The following LAMP3 variants were observed in gnomAD, a reference collection of about 807,000 sequenced individuals.
The protein encoded by LAMP3 is lysosome associated membrane protein 3.
A neutral mutation model predicts 34.8 loss-of-function variants in LAMP3; 26 were observed. The observed-to-expected ratio is 0.75, with a 90% CI of 0.55 to 1.04. LAMP3 has a LOEUF of 1.04. Among genes scored for constraint, LAMP3 ranks in the 50% least tolerant of loss-of-function variants. The probability of loss-of-function intolerance (pLI) is 0.00; values close to 1 mark genes in which losing one functional copy is unlikely to be tolerated. For missense variants in LAMP3, 495 were observed against 524.0 expected (o/e 0.94, Z 0.54); for synonymous variants, 180 against 201.9 (o/e 0.89, Z 0.92).
At chr3:183,144,901 T>G (rs1720395245) in intron 3 of LAMP3, among the ~76,000 whole-genome samples, 1 of 151,982 alleles carries the variant, frequency 6.6e-6, no homozygotes, top group Non-Finnish European at 1.5e-5. Context: ...GGAGGCCCTT[T>G]CTCAAAAAAC....
At position 183,154,304 on chromosome 3, in the gene LAMP3, T is replaced by C. The variant is rs1720761274; in HGVS notation, c.137A>G (p.Gln46Arg). The change falls in exon 2 of 6, where the codon CAG becomes CGG. Residue 46 changes from glutamine (Q) to arginine (R), a missense_variant. Transcript: ENST00000265598. The part of the protein sequence containing the change: ...YSQPTAAATV[Q>R]DIKKPVQQPA... ...TTGCTGGACAGGTTTTTTTATGTCC[T>C]GTACTGTTGCTGCTGCAGTAGGTTG... 1.9e-6 allele frequency: 3 copies of C among 1,614,190 alleles called. No homozygotes were observed. Among genetic ancestry groups the C allele is most frequent in the Non-Finnish European group, 2.5e-6 (3 of 1,180,032 alleles).
chr3:183,131,700 G>C (rs1047975761), intron 5 of LAMP3, among the ~76,000 whole-genome samples: 57 of 152,098 alleles, frequency 3.7e-4, no homozygotes, highest in African/African-American at 1.4e-3. Context: ...TAGTTTTAGA[G>C]TTGTTGCCAA....
At chr3:183,144,055 G>A (rs560454871) in intron 3 of LAMP3, among the ~76,000 whole-genome samples, 101 of 152,256 alleles carry the variant, frequency 6.6e-4, no homozygotes, top group African/African-American at 2.1e-3. Flanking sequence ...AAAACACACC[G>A]TGGAAGTTTC....
intron 5 of LAMP3, chr3:183,132,869 G>T (rs1471331274): frequency 1.0e-6 from 1 of 985,328 alleles, no homozygotes; most frequent in Non-Finnish European, 1.2e-6. Flanking sequence ...CAGACATGCG[G>T]TTAGCAAAAT....
intron 5 of LAMP3, among the ~76,000 whole-genome samples, chr3:183,133,436 C>T (rs1719987021): frequency 6.6e-6 from 1 of 152,216 alleles, no homozygotes; most frequent in South Asian, 2.1e-4. Flanking sequence ...CTCACTGCAA[C>T]CTCCGCCTCC....
intron 5 of LAMP3, among the ~76,000 whole-genome samples, chr3:183,128,540 T>C (rs1408030741): frequency 2.0e-5 from 3 of 152,174 alleles, no homozygotes; most frequent in African/African-American, 7.2e-5. Flanking sequence ...ATAAATAATG[T>C]TGTAATGAAT....
intron 3 of LAMP3, among the ~76,000 whole-genome samples, chr3:183,147,885 T>C (rs1253432230): frequency 6.6e-6 from 1 of 152,102 alleles, no homozygotes; most frequent in Non-Finnish European, 1.5e-5. Context: ...GCTAGCTAAT[T>C]TTTAAATTTT....
At chr3:183,135,926 T>A (rs1165173962) in intron 4 of LAMP3, 39 bp from the exon 5 acceptor site, 1 of 1,524,444 alleles carries the variant, frequency 6.6e-7, no homozygotes, top group Non-Finnish European at 9.1e-7. Flanking sequence ...AGTCCTGAGA[T>A]GTAACCGCTG....
chr3:183,147,913 T>C (rs1443787847), intron 3 of LAMP3, among the ~76,000 whole-genome samples: 1 of 152,158 alleles, frequency 6.6e-6, no homozygotes, highest in Non-Finnish European at 1.5e-5. Context: ...GATAGGGTCT[T>C]GCTATGTTGC....
chr3:183,132,001 C>T, intron 5 of LAMP3: 1 of 985,368 alleles, frequency 1.0e-6, no homozygotes, highest in Non-Finnish European at 1.2e-6. Flanking sequence ...TTCCTGCTTG[C>T]CATTCCATAT....
Position 183,135,783 on chromosome 3 carries a change from G to T in LAMP3, c.1051C>A (p.Leu351Met). 1 of 1,614,226 alleles carries T rather than the reference G, an allele frequency of 6.2e-7. No homozygotes were observed. Among genetic ancestry groups the T allele is most frequent in the Non-Finnish European group, 8.5e-7 (1 of 1,180,012 alleles). ...SEQSLQLSAH[L>M]QVKTTDVQLQ... ...TGGACATCGGTTGTTTTCACCTGCAGGTGGGCTGACAACTGGAGGCTCTGT... is the reference window on the plus strand; with the variant it reads ...TGGACATCGGTTGTTTTCACCTGCATGTGGGCTGACAACTGGAGGCTCTGT... The change falls in exon 5 of 6, where the codon CTG (leucine) becomes ATG (methionine). Residue 351 changes from leucine (L) to methionine (M), a missense_variant. By Grantham distance (15) the Leu-to-Met change is conservative. Coordinates refer to ENST00000265598, the MANE Select transcript of LAMP3 (RefSeq NM_014398.4).
chr3:183,149,070 G>A (rs963806682), intron 3 of LAMP3, among the ~76,000 whole-genome samples: 2 of 152,188 alleles, frequency 1.3e-5, no homozygotes, highest in African/African-American at 2.4e-5. Flanking sequence ...GTCATCATGT[G>A]AAGTGAAATA....
At chr3:183,124,267 A>T in intron 5 of LAMP3, 53 bp from the exon 6 acceptor site, 1 of 1,458,688 alleles carries the variant, frequency 6.9e-7, no homozygotes, top group Non-Finnish European at 9.1e-7. Context: ...GATGCAGTCC[A>T]GAAAGCAGGC....
chr3:183,142,417 C>A (rs981055432), intron 3 of LAMP3, among the ~76,000 whole-genome samples: 11 of 152,118 alleles, frequency 7.2e-5, no homozygotes, highest in Non-Finnish European at 1.3e-4. Flanking sequence ...GTCTCCCTGA[C>A]CTGTCCCTCC....
At chr3:183,130,885 T>G (rs951199578) in intron 5 of LAMP3, among the ~76,000 whole-genome samples, 1 of 152,044 alleles carries the variant, frequency 6.6e-6, no homozygotes, top group Non-Finnish European at 1.5e-5. Context: ...GTTCACAGAA[T>G]TTTTTTCCCT....
At position 183,138,847 on chromosome 3, in the gene LAMP3, C is replaced by T. The variant is rs141071936; in HGVS notation, c.946+1691G>A. Among the ~76,000 whole-genome samples, 97 of 152,250 alleles carry T rather than the reference C, an allele frequency of 6.4e-4. No homozygotes were observed. The Middle Eastern group carries it at 0.017, about 27-fold the overall frequency. On this transcript the variant is annotated intron_variant, in intron 4 of 5. Transcript: ENST00000265598. The stretch of plus-strand genomic sequence containing the variant: ...CCTCACCTGCTGCTTATTCTCTCTC[C>T]GGGCACACTGGCACTCTGCAGGTCC...
At chr3:183,149,311 G>C (rs140288658) in intron 3 of LAMP3, among the ~76,000 whole-genome samples, 1 of 151,754 alleles carries the variant, frequency 6.6e-6, no homozygotes, top group African/African-American at 2.4e-5. Flanking sequence ...GGAGGCTCAG[G>C]GGGGCGGATC....
At chr3:183,137,125 C>T (rs529582233) in intron 4 of LAMP3, among the ~76,000 whole-genome samples, 22 of 151,990 alleles carry the variant, frequency 1.4e-4, no homozygotes, top group Non-Finnish European at 3.2e-4. Context: ...TGAGACCAGC[C>T]TGGCCAATGT....
At chr3:183,161,681 G>A (rs1356684387) in intron 1 of LAMP3, among the ~76,000 whole-genome samples, 8 of 152,106 alleles carry the variant, frequency 5.3e-5, no homozygotes, top group African/African-American at 1.9e-4. Context: ...GAGCCACCAC[G>A]CCTGGCCTGT....
Sources: allele counts gnomAD v4.1 joint callset (sites outside exome capture counted in the v4.1 genomes callset), GRCh38; gene constraint gnomAD v4.1.1; transcripts MANE v1.5; gene names NCBI Gene and HGNC (gene_info 2026-07-23, HGNC 2026-07-21).